The following DLEC1 variants were observed in gnomAD, a reference collection of about 807,000 sequenced individuals.
DLEC1 encodes the protein deleted in lung and esophageal cancer protein 1.
In DLEC1, 146 loss-of-function variants were observed where a neutral mutation model predicts 198.1. The ratio of observed to expected loss-of-function variants is 0.74; its 90% CI spans 0.64 to 0.85. The LOEUF (loss-of-function observed/expected upper bound fraction) is 0.85, where lower values mean the gene tolerates loss of function less well. DLEC1 is among the 40% of genes least tolerant of loss of function. DLEC1 has a pLI of 0.00. For missense variants in DLEC1, 2,233 were observed against 2,220.0 expected, an observed-to-expected ratio of 1.01 and a Z score of -0.12; for synonymous variants, 897 against 866.8, an observed-to-expected ratio of 1.03 and a Z score of -0.61.
intron 6 of DLEC1, among the ~76,000 whole-genome samples, chr3:38,082,712 A>G (rs1176560817): frequency 1.3e-5 from 2 of 151,208 alleles, no homozygotes; most frequent in African/African-American, 4.9e-5. Context: ...GGGTTGGGGT[A>G]CTTGCCCCTC....
chr3:38,120,559 ATGG>A lies in DLEC1; in HGVS notation c.4819_4821del (p.Val1607del). The stretch of plus-strand genomic sequence containing the variant: ...GCAGAGTGCGAGTGGAGAGAGAGAG[ATGG>A]TGTTTACTCAGAACCTGCTCCTGGA... On this transcript the variant is annotated inframe_deletion, in exon 34 of 37. Transcript: ENST00000308059. 1 of 1,614,062 alleles carries A rather than the reference ATGG, an allele frequency of 6.2e-7. No homozygotes were observed. The highest frequency in any genetic ancestry group is 8.5e-7 in the Non-Finnish European group (1 of 1,180,022).
At position 38,112,881 on chromosome 3, in the gene DLEC1, T is replaced by TA. The variant is rs1470352403; in HGVS notation, c.3666+521dup. On this transcript the variant is annotated intron_variant, in intron 25 of 36. Transcript: ENST00000308059. The surrounding 1 kb of genome is among the most constrained non-coding windows in gnomAD (Gnocchi z 4.8). ...AATAAGGTAACCAGCAAGGCACCCC[T>TA]AGTTTAGTCTGGAGGGATGAAACCT... 5.9e-5 allele frequency among the ~76,000 whole-genome samples: 9 copies of TA among 152,320 alleles called. No individual in the cohort carries two copies. The East Asian group carries it at 1.7e-3, about 29-fold the overall frequency.
chr3:38,095,528 G>A, intron 13 of DLEC1: 1 of 323,866 alleles, frequency 3.1e-6, no homozygotes, highest in South Asian at 4.2e-5. Flanking sequence ...ATTGTTAGTG[G>A]GTTTGGGGCT....
At chr3:38,107,508 G>T in intron 19 of DLEC1, 76 bp from the exon 20 acceptor site, 1 of 1,407,066 alleles carries the variant, frequency 7.1e-7, no homozygotes. Flanking sequence ...TACATAGACT[G>T]CATGTCATCT....
intron 18 of DLEC1, among the ~76,000 whole-genome samples, chr3:38,099,179 G>A (rs1299437331): frequency 6.6e-6 from 1 of 152,128 alleles, no homozygotes; most frequent in Non-Finnish European, 1.5e-5. Flanking sequence ...CCACATTCCA[G>A]TCCCCTGCAC....
Position 38,086,329 on chromosome 3 carries a change from C to T in DLEC1, c.1524C>T (p.Gly508=), listed in dbSNP as rs1575175896. 1 of 1,612,970 alleles carries T rather than the reference C, an allele frequency of 6.2e-7. No homozygotes were observed. The highest frequency in any genetic ancestry group is 2.2e-5 in the East Asian group (1 of 44,818). ...FICKNVGFSV[G]RFCIMPKTSW... is the part of the protein sequence containing the mutation. ...GCAAAAATGTGGGTTTCAGTGTTGG[C>T]AGGTTCTGCATTATGCCCAAAACAA... The change falls in exon 9 of 37, where the codon GGC becomes GGT. Residue 508 remains glycine, a synonymous_variant. Coordinates refer to ENST00000308059, the MANE Select transcript of DLEC1 (RefSeq NM_007335.4).
At chr3:38,093,508 C>G in intron 11 of DLEC1, 97 bp from the exon 12 acceptor site, 1 of 1,438,280 alleles carries the variant, frequency 7.0e-7, no homozygotes, top group South Asian at 1.2e-5. Flanking sequence ...TGGTCAAGGC[C>G]AGCTGCATGT....
At chr3:38,107,090 G>A (rs974892174) in intron 19 of DLEC1, among the ~76,000 whole-genome samples, 6 of 152,162 alleles carry the variant, frequency 3.9e-5, no homozygotes, top group Non-Finnish European at 7.3e-5. Context: ...TTAAATGGTA[G>A]TTTCAACAAA....
intron 7 of DLEC1, among the ~76,000 whole-genome samples, 163 bp from the exon 8 acceptor site, chr3:38,085,111 G>A (rs1698379068): frequency 6.6e-6 from 1 of 152,192 alleles, no homozygotes; most frequent in Non-Finnish European, 1.5e-5. Context: ...CACCCTTGCA[G>A]CCTGCTCCCC....
Position 38,122,735 on chromosome 3 carries a change from A to C in DLEC1, c.*323A>C. 2 of 1,314,236 alleles carry C rather than the reference A, an allele frequency of 1.5e-6. No homozygotes were observed. Among genetic ancestry groups the C allele is most frequent in the Non-Finnish European group, 2.0e-6 (2 of 999,354 alleles). 81.4% of individuals were successfully genotyped at this position (1,314,236 alleles called of 1,614,324 possible). On this transcript the variant is annotated 3_prime_UTR_variant, in exon 37 of 37. Transcript: ENST00000308059. ...TAAGATAAATTCATGCACTTTTACT[A>C]TGCCCATTGCACTTCTCATCCATGG...
At chr3:38,053,131 G>C (rs951112617) in intron 2 of DLEC1, among the ~76,000 whole-genome samples, 1 of 151,942 alleles carries the variant, frequency 6.6e-6, no homozygotes, top group Non-Finnish European at 1.5e-5. Context: ...GCGTGATCTC[G>C]GCTCGCTACA....
In DLEC1 at chr3:38,084,545, A is replaced by AGTGGTG. The variant is rs1392040270; in HGVS notation, c.1261+302_1261+303insGGTGGT. ...TAGTAGTAGTAGTGGTGGTGGTAGTAGTAGTGGTAGTAGTAGTGGTAGTAG... is the reference window on the plus strand; with the variant it reads ...TAGTAGTAGTAGTGGTGGTGGTAGTAGTGGTGGTAGTGGTAGTAGTAGTGGTAGTAG... On this transcript the variant is annotated intron_variant, in intron 7 of 36. Coordinates refer to ENST00000308059, the MANE Select transcript of DLEC1 (RefSeq NM_007335.4). Among the ~76,000 whole-genome samples, 27 of 39,416 alleles carry AGTGGTG rather than the reference A, an allele frequency of 6.9e-4. 3 individuals carry two copies. Among genetic ancestry groups the AGTGGTG allele is most frequent in the East Asian group, 2.1e-3 (2 of 952 alleles). The allele number at this position is 39,416 out of a possible 152,430, so 25.9% of individuals were successfully genotyped here. A position where few individuals can be genotyped will look rare whatever the true frequency, so the allele number is the denominator to read the frequency against.
At chr3:38,073,414 G>A (rs1270981248) in intron 6 of DLEC1, among the ~76,000 whole-genome samples, 1 of 152,122 alleles carries the variant, frequency 6.6e-6, no homozygotes, top group Non-Finnish European at 1.5e-5. Context: ...TGGGATATTG[G>A]CATTGAGTGG....
At chr3:38,042,207 G>C (rs1700690455) in intron 1 of DLEC1, among the ~76,000 whole-genome samples, 1 of 152,048 alleles carries the variant, frequency 6.6e-6, no homozygotes, top group Admixed American at 6.6e-5. Context: ...TGGCCAGGCT[G>C]GTCTCCAACT....
intron 2 of DLEC1, among the ~76,000 whole-genome samples, chr3:38,050,928 GTCTC>G (rs1284033851): frequency 2.0e-5 from 3 of 148,862 alleles, no homozygotes; most frequent in African/African-American, 5.0e-5. Context: ...AAGGCACCAT[GTCTC>G]TCTCTCTCTT....
rs779094397 is a variant in DLEC1, at chr3:38,107,683, A to G, written c.2964A>G (p.Thr988=). ...TCTACCTGGGTGTGCCCACGAAGAC[A>G]ACCATCACACTTATCAATGGCACGC... is the stretch of plus-strand genomic sequence containing the variant. ...RNLYLGVPTK[T]TITLINGTLL... The change falls in exon 20 of 37, where the codon ACA becomes ACG. Residue 988 remains threonine (T), a synonymous_variant. Transcript: ENST00000308059. The G allele has an allele frequency of 1.9e-6, 3 of 1,614,160 alleles. No individual in the cohort carries two copies. The highest frequency in any genetic ancestry group is 2.2e-5 in the East Asian group (1 of 44,880).
chr3:38,073,120 A>G (rs1351171469), intron 6 of DLEC1, among the ~76,000 whole-genome samples: 1 of 152,184 alleles, frequency 6.6e-6, no homozygotes, highest in Non-Finnish European at 1.5e-5. Flanking sequence ...TGGGATGAGG[A>G]GTGCAGGGGA....
chr3:38,075,386 G>A (rs1301366308), intron 6 of DLEC1, among the ~76,000 whole-genome samples: 2 of 152,098 alleles, frequency 1.3e-5, no homozygotes, highest in Non-Finnish European at 2.9e-5. Context: ...GTTTGTATTG[G>A]GGCCAAGCAG....
At chr3:38,063,419 G>A (rs1224282192) in intron 5 of DLEC1, among the ~76,000 whole-genome samples, 3 of 152,068 alleles carry the variant, frequency 2.0e-5, no homozygotes, top group Admixed American at 6.5e-5. Flanking sequence ...AGCCAAGATT[G>A]TGCCACTGCA....
Sources: gnomAD v4.1 joint callset for allele counts (sites outside exome capture counted in the v4.1 genomes callset) on GRCh38, gnomAD v4.1.1 for gene constraint, Gnocchi (gnomAD v3.1) non-coding constraint, MANE v1.5 for transcripts, NCBI Gene and HGNC (gene_info 2026-07-23, HGNC 2026-07-21) for gene names.